Variants in STRA6 observed in about 807,000 individuals in gnomAD.
STRA6 encodes the protein receptor for retinol uptake STRA6.
In STRA6, 48 loss-of-function variants were observed where a neutral mutation model predicts 83.6. The observed-to-expected ratio is 0.57, with a 90% CI of 0.46 to 0.73. The LOEUF is 0.73. Ranked by LOEUF, STRA6 falls within the 30% of genes least tolerant of loss-of-function variation. STRA6 has a pLI of 0.00. For missense variants in STRA6, 760 were observed against 838.8 expected, an observed-to-expected ratio of 0.91 and a Z score of 1.16; for synonymous variants, 353 against 362.3, an observed-to-expected ratio of 0.97 and a Z score of 0.29.
At chr15:74,191,112 T>G in intron 10 of STRA6, 55 bp downstream of exon 10, 1 of 1,602,024 alleles carries the variant, frequency 6.2e-7, no homozygotes, top group South Asian at 1.1e-5. Flanking sequence ...AGCCATTCTG[T>G]GCAAGGGAGG....
chr15:74,201,173 C>G (rs1289795034), intron 2 of STRA6, among the ~76,000 whole-genome samples: 2 of 152,196 alleles, frequency 1.3e-5, no homozygotes, highest in African/African-American at 4.8e-5. Context: ...CTGGGTGGAG[C>G]CTCTGTCCCT....
upstream of STRA6, among the ~76,000 whole-genome samples, chr15:74,203,964 A>T (rs2074191657): frequency 6.6e-6 from 1 of 152,194 alleles, no homozygotes; most frequent in Non-Finnish European, 1.5e-5. Context: ...GTGAAGTCTC[A>T]GAGTAGACAG....
rs907410546 is a variant in STRA6 at position 74,188,893 on chromosome 15, G to A, written c.1090+222C>T. On this transcript the variant is annotated intron_variant, in intron 12 of 18. Coordinates refer to ENST00000395105, the MANE Select transcript of STRA6 (RefSeq NM_022369.4). The surrounding 1 kb of genome is among the most constrained non-coding windows in gnomAD (Gnocchi z 4.5). ...GTGGGGGAAGATGCCACAGAAGCAG[G>A]CAAGGGACAGGAGCTGCTGAGATGT... Among the ~76,000 whole-genome samples the A allele has an allele frequency of 3.3e-5, 5 of 152,188 alleles. No homozygotes were observed. Among genetic ancestry groups the A allele is most frequent in the African/African-American group, 1.2e-4 (5 of 41,446 alleles).
chr15:74,197,681 T>G (rs2073882930), intron 3 of STRA6, 71 bp downstream of exon 3: 18 of 1,553,880 alleles, frequency 1.2e-5, no homozygotes, highest in South Asian at 2.3e-5. Context: ...CCAGCCCCAG[T>G]GGGGAACACA....
intron 1 of STRA6, 156 bp downstream of exon 1, chr15:74,202,557 C>T (rs2074127369): frequency 2.7e-6 from 4 of 1,465,232 alleles, no homozygotes; most frequent in African/African-American, 1.4e-5. Context: ...CCCTTGGGGC[C>T]CCGGGGCTCC....
chr15:74,206,218 C>A (rs906293281), upstream of STRA6, among the ~76,000 whole-genome samples: 2 of 152,316 alleles, frequency 1.3e-5, no homozygotes, highest in Admixed American at 1.3e-4. Context: ...CCTGCCCCCT[C>A]CTGGCCCCCA....
chr15:74,209,151 T>C, upstream of STRA6: 2 of 1,296,276 alleles, frequency 1.5e-6, no homozygotes, highest in African/African-American at 1.5e-5. Context: ...CATCTCCAGC[T>C]CAGGCACAGA....
rs1181675183 is a variant in STRA6, at chr15:74,190,826, G to A, written c.927+14C>T. Reference sequence around the variant, plus strand: ...GCTCCAGAGGCAGATGGCAGTACAGGGTGAGGGACATACCTGGTAAATGGC... The same window carrying A: ...GCTCCAGAGGCAGATGGCAGTACAGAGTGAGGGACATACCTGGTAAATGGC... On this transcript the variant is annotated intron_variant, in intron 11 of 18. Transcript: ENST00000395105. 1.9e-6 allele frequency: 3 copies of A among 1,614,038 alleles called. No homozygotes were observed. The highest frequency in any genetic ancestry group is 1.3e-5 in the African/African-American group (1 of 75,006).
intron 10 of STRA6, 28 bp downstream of exon 10, chr15:74,191,139 C>T (rs369116923): frequency 1.1e-5 from 18 of 1,612,448 alleles, no homozygotes; most frequent in Admixed American, 1.7e-5. Context: ...TCCCCTGTCA[C>T]GCTCGGCCTC....
chr15:74,193,431 C>T (rs1212932454), intron 8 of STRA6, among the ~76,000 whole-genome samples: 1 of 152,124 alleles, frequency 6.6e-6, no homozygotes, highest in Non-Finnish European at 1.5e-5. Flanking sequence ...GCCCTGGGTG[C>T]TTCCTGAATC....
intron 7 of STRA6, 128 bp from the exon 8 acceptor site, chr15:74,194,050 G>T: frequency 2.0e-6 from 3 of 1,467,810 alleles, no homozygotes; most frequent in Non-Finnish European, 2.8e-6. Flanking sequence ...GAAGGCTTCA[G>T]CTCTATGGTT....
chr15:74,193,007 G>A (rs1346528202), intron 8 of STRA6, among the ~76,000 whole-genome samples: 1 of 152,148 alleles, frequency 6.6e-6, no homozygotes, highest in African/African-American at 2.4e-5. Context: ...CCTGACATAT[G>A]GTAGGTGCTT....
chr15:74,194,366 T>C (rs2073709229), intron 7 of STRA6: 1 of 1,064,656 alleles, frequency 9.4e-7, no homozygotes, highest in Admixed American at 4.9e-5. Context: ...GGGGTGGGCT[T>C]TTTGTATACT....
rs1001156211 is a variant in STRA6, at chr15:74,199,488, G to A, written c.114-1670C>T. 7.9e-5 allele frequency among the ~76,000 whole-genome samples: 12 copies of A among 152,116 alleles called. 1 individual carries two copies. The highest frequency in any genetic ancestry group is 1.0e-4 in the Non-Finnish European group (7 of 68,018). ...CGTAGGGCAGCCCTCCCTCTCAGCCGGCATCTCCCCGCATGACTAGGTCCC... is the reference window on the plus strand; with the variant it reads ...CGTAGGGCAGCCCTCCCTCTCAGCCAGCATCTCCCCGCATGACTAGGTCCC... On this transcript the variant is annotated intron_variant, in intron 2 of 18. Transcript: ENST00000395105.
intron 12 of STRA6, among the ~76,000 whole-genome samples, chr15:74,187,656 C>G (rs749908921): frequency 6.6e-5 from 10 of 152,072 alleles, no homozygotes; most frequent in Non-Finnish European, 1.5e-4. Flanking sequence ...CACTGGAGCC[C>G]AGGTTGCGGG....
Position 74,189,207 on chromosome 15 carries a change from A to G in STRA6, c.998T>C (p.Val333Ala). 1 of 1,613,234 alleles carries G rather than the reference A, an allele frequency of 6.2e-7. No individual in the cohort carries two copies. Among genetic ancestry groups the G allele is most frequent in the Non-Finnish European group, 8.5e-7 (1 of 1,179,706 alleles). The change falls in exon 12 of 19, where the codon GTC (valine) becomes GCC (alanine). Residue 333 changes from valine (V) to alanine (A), a missense_variant. Coordinates refer to ENST00000395105, the MANE Select transcript of STRA6 (RefSeq NM_022369.4). Reference protein sequence around the residue: ...QKVRAGVTTDVSYLLAGFGIV... With the variant: ...QKVRAGVTTDASYLLAGFGIV... ...TCCAAAGCCGGCCAGCAGGTAGGAG[A>G]CATCCGTGGTGACCCCTGCCCTCAC...
chr15:74,210,067 G>C (rs549370198), upstream of STRA6, among the ~76,000 whole-genome samples: 661 of 152,300 alleles, frequency 4.3e-3, 4 homozygotes, highest in Admixed American at 7.3e-3. Flanking sequence ...AGAGAGAGCA[G>C]CTCAAGCCGA....
intron 17 of STRA6, 47 bp downstream of exon 17, chr15:74,181,248 T>C (rs1351670133): frequency 1.2e-6 from 2 of 1,607,754 alleles, no homozygotes; most frequent in Non-Finnish European, 8.5e-7. Context: ...CCTTCCTCAC[T>C]GCTTGGGTAG....
chr15:74,185,408 C>T (rs1231738668), intron 12 of STRA6, among the ~76,000 whole-genome samples: 4 of 152,240 alleles, frequency 2.6e-5, no homozygotes, highest in Non-Finnish European at 5.9e-5. Flanking sequence ...CAGGAGGGCA[C>T]TCCTTCTCCC....
Sources: allele counts gnomAD v4.1 joint callset (sites outside exome capture counted in the v4.1 genomes callset), GRCh38; gene constraint gnomAD v4.1.1; non-coding constraint Gnocchi (gnomAD v3.1); transcripts MANE v1.5; gene names NCBI Gene and HGNC (gene_info 2026-07-23, HGNC 2026-07-21).